CDH13: variants seen among roughly 807,000 people sequenced by gnomAD.
The protein encoded by CDH13 is cadherin 13.
In CDH13, 24 loss-of-function variants were observed where a neutral mutation model predicts 63.8. The observed-to-expected ratio is 0.38, with a 90% CI of 0.27 to 0.53. The LOEUF (loss-of-function observed/expected upper bound fraction) is 0.53. Among genes scored for constraint, CDH13 ranks in the 20% least tolerant of loss-of-function variants. The pLI, the probability that CDH13 is intolerant of heterozygous loss-of-function variation, is 0.85. For synonymous variants in CDH13, 503 were observed against 355.3 expected (o/e 1.42, Z -4.67); for missense variants, 1,049 against 903.1 (o/e 1.16, Z -2.07).
Position 83,027,101 on chromosome 16 carries a change from G to GCCCCCCCCCCCCC in CDH13, c.158-4909_158-4908insCCCCCCCCCCCCC, listed in dbSNP as rs1386342125. On this transcript the variant is annotated intron_variant, in intron 2 of 13. Transcript: ENST00000567109. ...CCTCTTGCTCACAGCACAGAAGGGA[G>GCCCCCCCCCCCCC]ACCCCCCCCCCCCACCGCCCCGCCT... Among the ~76,000 whole-genome samples, 29 of 118,614 alleles carry GCCCCCCCCCCCCC rather than the reference G, an allele frequency of 2.4e-4. 1 individual carries two copies. Among genetic ancestry groups the GCCCCCCCCCCCCC allele is most frequent in the Non-Finnish European group, 3.6e-4 (21 of 58,016 alleles). 77.8% of individuals were successfully genotyped at this position (118,614 alleles called of 152,430 possible). A position where few individuals can be genotyped will look rare whatever the true frequency, so the allele number is the denominator to read the frequency against.
intron 2 of CDH13, among the ~76,000 whole-genome samples, chr16:82,920,172 C>T (rs897640135): frequency 6.6e-5 from 10 of 152,218 alleles, no homozygotes; most frequent in African/African-American, 1.9e-4. Context: ...TCAGATGGCA[C>T]CCTCCACCAG....
intron 1 of CDH13, among the ~76,000 whole-genome samples, chr16:82,721,518 G>T (rs79645268): frequency 0.06 from 9,108 of 152,190 alleles, 302 homozygotes; most frequent in Non-Finnish European, 0.07. Flanking sequence ...GGCTAGAGTG[G>T]AACACTGCTC....
intron 4 of CDH13, among the ~76,000 whole-genome samples, chr16:83,135,228 G>T (rs1395113634): frequency 6.6e-6 from 1 of 152,200 alleles, no homozygotes; most frequent in African/African-American, 2.4e-5. Context: ...AATTAAGAGA[G>T]ATTAAGTAAC....
chr16:83,542,628 A>C (rs1321831781), intron 7 of CDH13, among the ~76,000 whole-genome samples: 1 of 152,238 alleles, frequency 6.6e-6, no homozygotes. Context: ...TCTGGCAGCT[A>C]GTCCAGGGGA....
At chr16:83,458,989 G>C (rs748541464) in intron 6 of CDH13, among the ~76,000 whole-genome samples, 1 of 152,172 alleles carries the variant, frequency 6.6e-6, no homozygotes, top group Non-Finnish European at 1.5e-5. Context: ...TTTTCATGGG[G>C]TTTTTCTTTT....
Position 82,639,217 on chromosome 16 carries a change from A to T in CDH13, c.45+12080A>T, listed in dbSNP as rs1909077629. ...CTTAAAGTCAAGATAGCTGCCTGGGATGACTACTTTTTTGAGTTCCTAGTC... is the reference window on the plus strand; with the variant it reads ...CTTAAAGTCAAGATAGCTGCCTGGGTTGACTACTTTTTTGAGTTCCTAGTC... On this transcript the variant is annotated intron_variant, in intron 1 of 13. Transcript: ENST00000567109. 8.1e-6 allele frequency: 4 copies of T among 490,880 alleles called. No homozygotes were observed. In the South Asian group the frequency reaches 1.3e-4, roughly 16 times the overall value. The allele number at this position is 490,880 out of a possible 1,614,324, so 30.4% of individuals were successfully genotyped here.
chr16:83,224,431 T>G (rs1340441201), intron 5 of CDH13, among the ~76,000 whole-genome samples: 1 of 152,220 alleles, frequency 6.6e-6, no homozygotes, highest in Non-Finnish European at 1.5e-5. Context: ...AGAAGCTTAG[T>G]TGCCCAAAGG....
intron 6 of CDH13, among the ~76,000 whole-genome samples, chr16:83,431,480 C>T (rs1292397997): frequency 6.6e-6 from 1 of 151,936 alleles, no homozygotes; most frequent in Non-Finnish European, 1.5e-5. Context: ...TTGTATCAGT[C>T]CGTTCTTGCA....
In CDH13 at chr16:83,281,747, T is replaced by TAA. The variant is rs58599942; in HGVS notation, c.637-63101_637-63100dup. Among the ~76,000 whole-genome samples, 773 of 134,428 alleles carry TAA rather than the reference T, an allele frequency of 5.8e-3. 10 individuals carry two copies. The highest frequency in any genetic ancestry group is 0.02 in the African/African-American group (729 of 36,570). The allele number at this position is 134,428 out of a possible 152,430, so 88.2% of individuals were successfully genotyped here. ...AACATAGTAAAACCTCATCTGTGCT[T>TAA]AAAAAAAAAAAAAAACGTAGCCAAG... On this transcript the variant is annotated intron_variant, in intron 5 of 13. Coordinates refer to ENST00000567109, the MANE Select transcript of CDH13 (RefSeq NM_001257.5).
intron 7 of CDH13, among the ~76,000 whole-genome samples, chr16:83,547,073 A>G (rs2075399694): frequency 6.6e-6 from 1 of 152,216 alleles, no homozygotes; most frequent in Non-Finnish European, 1.5e-5. Flanking sequence ...CATAAAGGTG[A>G]ATGTGTCAAG....
At chr16:83,431,964 G>C (rs1382505164) in intron 6 of CDH13, among the ~76,000 whole-genome samples, 1 of 152,160 alleles carries the variant, frequency 6.6e-6, no homozygotes, top group Non-Finnish European at 1.5e-5. Flanking sequence ...AGAGGAAAGA[G>C]GGATTCATGT....
intron 7 of CDH13, among the ~76,000 whole-genome samples, chr16:83,586,508 G>GTCT (rs1906173278): frequency 6.6e-6 from 1 of 152,220 alleles, no homozygotes; most frequent in Non-Finnish European, 1.5e-5. Context: ...CTGGGAGTCT[G>GTCT]AGCCGAGAAG....
intron 10 of CDH13, among the ~76,000 whole-genome samples, chr16:83,703,978 A>G (rs1169614411): frequency 6.6e-6 from 1 of 152,216 alleles, no homozygotes; most frequent in African/African-American, 2.4e-5. Context: ...TTTTTTATAT[A>G]TGGAGAAATG....
chr16:83,473,905 T>C (rs1377645285), intron 6 of CDH13, among the ~76,000 whole-genome samples: 2 of 151,988 alleles, frequency 1.3e-5, no homozygotes, highest in Non-Finnish European at 2.9e-5. Context: ...CCTCATAGGG[T>C]TTGTGGGATG....
At chr16:82,699,720 T>G (rs1035879160) in intron 1 of CDH13, among the ~76,000 whole-genome samples, 1 of 152,162 alleles carries the variant, frequency 6.6e-6, no homozygotes, top group Non-Finnish European at 1.5e-5. Flanking sequence ...TGTTTTACCT[T>G]CTCCCACCCA....
rs74033156 is a variant in CDH13 at position 83,106,104 on chromosome 16, C to T, written c.367-19281C>T. Among the ~76,000 whole-genome samples the T allele has an allele frequency of 3.1e-3, 474 of 152,344 alleles. 4 individuals are homozygous for T. The highest frequency in any genetic ancestry group is 0.011 in the African/African-American group (464 of 41,582). On this transcript the variant is annotated intron_variant, in intron 3 of 13. Coordinates refer to ENST00000567109, the MANE Select transcript of CDH13 (RefSeq NM_001257.5). Reference sequence around the variant, plus strand: ...TACAGGACTTTTAAAATGTTCATAACCTTTGATCCAGTAACACCTCTTTTG... The same window carrying T: ...TACAGGACTTTTAAAATGTTCATAATCTTTGATCCAGTAACACCTCTTTTG...
intron 7 of CDH13, among the ~76,000 whole-genome samples, chr16:83,508,098 A>AGG (rs1285805792): frequency 0.067 from 5,195 of 77,256 alleles, 404 homozygotes; most frequent in African/African-American, 0.099. Flanking sequence ...GAAGGAAGGA[A>AGG]AGAAGGAAGG....
At chr16:83,602,107 C>CAAAAAAAAA (rs869202510) in intron 7 of CDH13, among the ~76,000 whole-genome samples, 8 of 7,952 alleles carry the variant, frequency 1.0e-3, no homozygotes, top group Non-Finnish European at 1.1e-3. Flanking sequence ...AGAACAACAA[C>CAAAAAAAAA]AAAAAAAAAA....
At chr16:83,756,691 A>T (rs1229229327) in intron 11 of CDH13, among the ~76,000 whole-genome samples, 1 of 152,238 alleles carries the variant, frequency 6.6e-6, no homozygotes, top group Non-Finnish European at 1.5e-5. Flanking sequence ...ACATGACAAG[A>T]GGTAAAGAGG....
Sources: gnomAD v4.1 joint callset for allele counts (sites outside exome capture counted in the v4.1 genomes callset) on GRCh38, gnomAD v4.1.1 for gene constraint, MANE v1.5 for transcripts, NCBI Gene and HGNC (gene_info 2026-07-23, HGNC 2026-07-21) for gene names.